The following MND1 variants were observed in gnomAD, a reference collection of about 807,000 sequenced individuals.
The protein encoded by MND1 is meiotic nuclear division protein 1 homolog.
A neutral mutation model predicts 35.1 loss-of-function variants in MND1; 28 were observed. That is an observed-to-expected ratio of 0.80 (90% CI 0.59 to 1.09). The LOEUF (loss-of-function observed/expected upper bound fraction) is 1.09, where lower values mean the gene tolerates loss of function less well. Ranked by LOEUF, MND1 falls within the 50% of genes least tolerant of loss-of-function variation. MND1 has a pLI of 0.00. For synonymous variants in MND1, 69 were observed against 70.5 expected (o/e 0.98, Z 0.11); for missense variants, 213 against 239.6 (o/e 0.89, Z 0.73).
chr4:153,392,625 A>C (rs1034582994), intron 4 of MND1, among the ~76,000 whole-genome samples: 4 of 152,122 alleles, frequency 2.6e-5, no homozygotes, highest in Non-Finnish European at 5.9e-5. Context: ...TCCCTTGTAG[A>C]CCCAGGTGAG....
At chr4:153,368,087 A>G (rs192917477) in intron 4 of MND1, among the ~76,000 whole-genome samples, 3 of 152,286 alleles carry the variant, frequency 2.0e-5, no homozygotes, top group Admixed American at 2.0e-4. Context: ...TCACTCAGCA[A>G]ATTTTTAAAA....
At chr4:153,401,005 A>C (rs1729333885) in intron 6 of MND1, among the ~76,000 whole-genome samples, 1 of 152,256 alleles carries the variant, frequency 6.6e-6, no homozygotes, top group African/African-American at 2.4e-5. Flanking sequence ...CACTATGGTA[A>C]ATTACCAGCA....
chr4:153,390,889 ATGTGTG>A (rs58003087), intron 4 of MND1, among the ~76,000 whole-genome samples: 29 of 139,770 alleles, frequency 2.1e-4, no homozygotes, highest in African/African-American at 3.7e-4. Context: ...AGGTATATAT[ATGTGTG>A]TGTGTGTGTG....
At chr4:153,354,704 G>A (rs1474057200) in intron 2 of MND1, among the ~76,000 whole-genome samples, 1 of 152,002 alleles carries the variant, frequency 6.6e-6, no homozygotes, top group Admixed American at 6.6e-5. Flanking sequence ...GTGCAAGAGT[G>A]GTCTCACTGT....
rs773615348 is a variant in MND1, at chr4:153,358,633, A to G, written c.276+11A>G. ...GTTCTGGAATCTCAGGTAAGCTGCC[A>G]CAGTTAAAAAGAATAGAGTTGCTTT... On this transcript the variant is annotated intron_variant, in intron 4 of 7. Transcript: ENST00000240488. 3 of 1,610,912 alleles carry G rather than the reference A, an allele frequency of 1.9e-6. No homozygotes were observed. In the South Asian group the frequency reaches 3.3e-5, roughly 18 times the overall value.
At chr4:153,367,485 A>T (rs1421299337) in intron 4 of MND1, among the ~76,000 whole-genome samples, 1 of 152,158 alleles carries the variant, frequency 6.6e-6, no homozygotes, top group East Asian at 1.9e-4. Context: ...ATGTTTCAGT[A>T]CTTCATTACT....
chr4:153,401,448 T>G (rs553720713), intron 6 of MND1, among the ~76,000 whole-genome samples: 1 of 152,178 alleles, frequency 6.6e-6, no homozygotes, highest in Non-Finnish European at 1.5e-5. Flanking sequence ...TCCAAGAAAT[T>G]TAAATATTTA....
At chr4:153,346,096 A>G (rs1337423530) in intron 1 of MND1, among the ~76,000 whole-genome samples, 1 of 152,214 alleles carries the variant, frequency 6.6e-6, no homozygotes, top group Non-Finnish European at 1.5e-5. Context: ...TTAATATGTG[A>G]TCGAGAAATA....
At chr4:153,414,307 G>A (rs10017900) in intron 7 of MND1, among the ~76,000 whole-genome samples, 28,557 of 150,922 alleles carry the variant, frequency 0.19, 2,858 homozygotes, top group African/African-American at 0.26. Context: ...TTGATACGGA[G>A]TGTCACTCCT....
chr4:153,363,359 C>T (rs1773545369), intron 4 of MND1, among the ~76,000 whole-genome samples: 1 of 151,852 alleles, frequency 6.6e-6, no homozygotes, highest in African/African-American at 2.4e-5. Context: ...TTACAAGCGC[C>T]CGCCACCACA....
chr4:153,353,173 G>A (rs1022937556), intron 2 of MND1, among the ~76,000 whole-genome samples: 2 of 151,898 alleles, frequency 1.3e-5, no homozygotes, highest in African/African-American at 2.4e-5. Flanking sequence ...AAAGTATTAT[G>A]TTTAAATAAT....
chr4:153,351,426 C>G (rs914883909), intron 2 of MND1, among the ~76,000 whole-genome samples: 3 of 151,914 alleles, frequency 2.0e-5, no homozygotes, highest in African/African-American at 7.2e-5. Context: ...TTCTTTTTTT[C>G]ATTATAGCCT....
At chr4:153,375,264 A>G (rs900352326) in intron 4 of MND1, among the ~76,000 whole-genome samples, 1 of 152,144 alleles carries the variant, frequency 6.6e-6, no homozygotes, top group Non-Finnish European at 1.5e-5. Flanking sequence ...TTTATTGAGC[A>G]CTTAGGTACA....
At chr4:153,390,768 AG>A (rs1728998857) in intron 4 of MND1, among the ~76,000 whole-genome samples, 2 of 152,048 alleles carry the variant, frequency 1.3e-5, no homozygotes, top group Admixed American at 6.6e-5. Flanking sequence ...GGATTGTTTG[AG>A]CCTGGAAGGC....
intron 4 of MND1, among the ~76,000 whole-genome samples, chr4:153,370,207 A>G (rs534230482): frequency 1.3e-5 from 2 of 152,052 alleles, no homozygotes; most frequent in South Asian, 4.1e-4. Context: ...ACTTGAACCT[A>G]GGAGGCGGAG....
chr4:153,391,788 T>TA, intron 4 of MND1, among the ~76,000 whole-genome samples: 1 of 146,682 alleles, frequency 6.8e-6, no homozygotes, highest in Non-Finnish European at 1.5e-5. Flanking sequence ...ATTTTTTTTT[T>TA]AACTTAGGAA....
chr4:153,369,120 T>C (rs1773729911), intron 4 of MND1, among the ~76,000 whole-genome samples: 1 of 152,236 alleles, frequency 6.6e-6, no homozygotes, highest in African/African-American at 2.4e-5. Context: ...TTGCAGGGTC[T>C]TGGGCTGCAG....
At chr4:153,387,394 T>G (rs982174855) in intron 4 of MND1, among the ~76,000 whole-genome samples, 2 of 152,166 alleles carry the variant, frequency 1.3e-5, no homozygotes, top group Non-Finnish European at 2.9e-5. Flanking sequence ...ATCTTTACAG[T>G]GTTTATTGTT....
chr4:153,374,297 A>G (rs1199134521), intron 4 of MND1, among the ~76,000 whole-genome samples: 3 of 152,212 alleles, frequency 2.0e-5, no homozygotes, highest in African/African-American at 7.2e-5. Flanking sequence ...TTTACCAGAT[A>G]CTGAAGGTAG....
Sources: allele counts gnomAD v4.1 joint callset (sites outside exome capture counted in the v4.1 genomes callset), GRCh38; gene constraint gnomAD v4.1.1; transcripts MANE v1.5; gene names NCBI Gene and HGNC (gene_info 2026-07-23, HGNC 2026-07-21).